Variants in WDFY4 observed in about 807,000 individuals in gnomAD.
WDFY4 encodes WDFY family member 4, also known as WD repeat- and FYVE domain-containing protein 4.
In WDFY4, 169 loss-of-function variants were observed where a neutral mutation model predicts 351.9. The ratio of observed to expected loss-of-function variants is 0.48; its 90% CI spans 0.42 to 0.55. The LOEUF is 0.55. Ranked by LOEUF, WDFY4 falls within the 20% of genes least tolerant of loss-of-function variation. WDFY4 has a pLI of 0.00. For synonymous variants in WDFY4, 1,622 were observed against 1,574.6 expected (o/e 1.03, Z -0.71); for missense variants, 3,803 against 3,935.6 (o/e 0.97, Z 0.90).
At chr10:48,828,095 T>C (rs1456817126) in intron 36 of WDFY4, among the ~76,000 whole-genome samples, 2 of 152,228 alleles carry the variant, frequency 1.3e-5, no homozygotes, top group East Asian at 3.8e-4. Flanking sequence ...ATGTTTGTCA[T>C]TTTCAGTTCA....
intron 52 of WDFY4, among the ~76,000 whole-genome samples, chr10:48,959,157 G>C (rs1366254784): frequency 6.6e-6 from 1 of 152,166 alleles, no homozygotes; most frequent in Non-Finnish European, 1.5e-5. Flanking sequence ...TGGGGAGGAG[G>C]GAGACTTGGG....
intron 1 of WDFY4, among the ~76,000 whole-genome samples, chr10:48,686,084 A>G (rs957152389): frequency 6.6e-6 from 1 of 152,014 alleles, no homozygotes; most frequent in African/African-American, 2.4e-5. Flanking sequence ...CTGGCCAGAG[A>G]GGTAGGGAAC....
At chr10:48,822,706 A>C (rs1239404045) in intron 35 of WDFY4, among the ~76,000 whole-genome samples, 169 bp downstream of exon 35, 1 of 152,148 alleles carries the variant, frequency 6.6e-6, no homozygotes, top group Non-Finnish European at 1.5e-5. Context: ...AGGCTACTGC[A>C]TGTCCAGCAG....
chr10:48,834,476 G>C (rs1193902517), intron 39 of WDFY4, among the ~76,000 whole-genome samples: 1 of 152,194 alleles, frequency 6.6e-6, no homozygotes, highest in Admixed American at 6.5e-5. Flanking sequence ...AGAAATAGGA[G>C]ACTGTTTACA....
intron 39 of WDFY4, among the ~76,000 whole-genome samples, chr10:48,833,205 A>T (rs1351747749): frequency 6.9e-6 from 1 of 145,212 alleles, no homozygotes. Context: ...GAGATCAGGA[A>T]CGTTGTTGTA....
intron 10 of WDFY4, among the ~76,000 whole-genome samples, chr10:48,734,719 T>G (rs58958297): frequency 1.3e-5 from 2 of 151,882 alleles, no homozygotes; most frequent in East Asian, 3.9e-4. Context: ...AAATGCATAT[T>G]CCTAGGCTCA....
Position 48,731,277 on chromosome 10 carries a change from T to C in WDFY4, c.1297T>C (p.Phe433Leu). 6.4e-7 allele frequency: 1 copy of C among 1,551,786 alleles called. No individual in the cohort carries two copies. Among genetic ancestry groups the C allele is most frequent in the South Asian group, 1.2e-5 (1 of 84,056 alleles). Residue 433 changes from phenylalanine to leucine, a missense_variant, in exon 9 of 62, where the codon TTT becomes CTT. This residue lies in a region of WDFY4 where 261 missense variants were observed against 330.2 expected (regional missense o/e 0.79). Transcript: ENST00000325239. ...GTGGACCCTGCAGCCCATCTCGCAGTTTGTAGAGATCATGCCCCTGAAGCC... is the reference window on the plus strand; with the variant it reads ...GTGGACCCTGCAGCCCATCTCGCAGCTTGTAGAGATCATGCCCCTGAAGCC... ...LEWTLQPISQ[F>L]VEIMPLKPAP...
chr10:48,798,213 G>T (rs61838862), intron 24 of WDFY4, among the ~76,000 whole-genome samples: 1 of 151,974 alleles, frequency 6.6e-6, no homozygotes, highest in African/African-American at 2.4e-5. Flanking sequence ...TCGGTTCAAC[G>T]TCTAACTTCT....
chr10:48,820,503 G>T, intron 33 of WDFY4, 66 bp downstream of exon 33: 2 of 1,504,634 alleles, frequency 1.3e-6, no homozygotes, highest in East Asian at 5.0e-5. Flanking sequence ...GCACTGCAAG[G>T]GCAGGATGCA....
At chr10:48,943,491 C>G in intron 49 of WDFY4, 42 bp downstream of exon 49, 1 of 1,540,336 alleles carries the variant, frequency 6.5e-7, no homozygotes, top group Non-Finnish European at 8.8e-7. Context: ...CTCAGGTGTT[C>G]GGACGTTGAT....
chr10:48,981,226 T>C, intron 60 of WDFY4, 141 bp from the exon 61 acceptor site: 7 of 707,106 alleles, frequency 9.9e-6, no homozygotes, highest in South Asian at 7.5e-5. Context: ...CAAGATTAAA[T>C]ATATTTCCCC....
At chr10:48,808,173 TAGAAAC>T (rs1358743685) in intron 28 of WDFY4, among the ~76,000 whole-genome samples, 6 of 152,242 alleles carry the variant, frequency 3.9e-5, no homozygotes, top group Non-Finnish European at 8.8e-5. Context: ...CATGAGTAAC[TAGAAAC>T]AGATTTGGTA....
chr10:48,774,451 C>T lies in WDFY4; in HGVS notation c.2554-7C>T. The T allele has an allele frequency of 6.4e-7, 1 of 1,551,724 alleles. No homozygotes were observed. The highest frequency in any genetic ancestry group is 8.7e-7 in the Non-Finnish European group (1 of 1,147,008). On this transcript the variant is annotated splice_region_variant and splice_polypyrimidine_tract_variant and intron_variant, in intron 13 of 61. Coordinates refer to ENST00000325239, the MANE Select transcript of WDFY4 (RefSeq NM_001394531.1). ...GAGGGCTCACAGCTTGCTTTGGTCACTCTTAGCTTTCCGAGGAGATCCAGT... is the reference window on the plus strand; with the variant it reads ...GAGGGCTCACAGCTTGCTTTGGTCATTCTTAGCTTTCCGAGGAGATCCAGT...
At chr10:48,811,095 G>A (rs1270073828) in intron 29 of WDFY4, among the ~76,000 whole-genome samples, 7 of 152,182 alleles carry the variant, frequency 4.6e-5, no homozygotes, top group Non-Finnish European at 1.0e-4. Flanking sequence ...GAGATGAGGG[G>A]TCTCCCTGAA....
At chr10:48,920,215 A>C (rs1267230889) in intron 47 of WDFY4, among the ~76,000 whole-genome samples, 1 of 152,198 alleles carries the variant, frequency 6.6e-6, no homozygotes, top group East Asian at 1.9e-4. Context: ...CTGGTAATAG[A>C]AAGGCCCTTC....
intron 29 of WDFY4, among the ~76,000 whole-genome samples, 159 bp downstream of exon 29, chr10:48,810,894 C>T (rs2067422938): frequency 6.6e-6 from 1 of 152,202 alleles, no homozygotes; most frequent in East Asian, 1.9e-4. Context: ...TGAGCCCAGC[C>T]CCCCTGACAT....
At chr10:48,769,874 G>A (rs1436240932) in intron 13 of WDFY4, among the ~76,000 whole-genome samples, 1 of 152,240 alleles carries the variant, frequency 6.6e-6, no homozygotes, top group Non-Finnish European at 1.5e-5. Context: ...CCTTAAGGCT[G>A]CCCCGCAAAT....
chr10:48,699,303 AG>A (rs2063416156), intron 1 of WDFY4, among the ~76,000 whole-genome samples: 1 of 152,212 alleles, frequency 6.6e-6, no homozygotes, highest in Non-Finnish European at 1.5e-5. Context: ...TGGGGCTTGC[AG>A]CATGGGGACT....
At chr10:48,932,933 G>A (rs528587478) in intron 47 of WDFY4, among the ~76,000 whole-genome samples, 21 of 152,148 alleles carry the variant, frequency 1.4e-4, no homozygotes, top group Non-Finnish European at 2.6e-4. Flanking sequence ...AGGGGAGGGC[G>A]AAGAGCTGAG....
Sources: allele counts gnomAD v4.1 joint callset (sites outside exome capture counted in the v4.1 genomes callset), GRCh38; gene constraint gnomAD v4.1.1; regional missense constraint gnomAD v4.1.1; transcripts MANE v1.5; gene names NCBI Gene and HGNC (gene_info 2026-07-23, HGNC 2026-07-21).